Variants in MNDA observed in about 807,000 individuals in gnomAD.
MNDA encodes the protein epididymis secretory sperm binding protein.
MNDA carries 43 observed loss-of-function variants against 37.8 expected under a neutral mutation model. The ratio of observed to expected loss-of-function variants is 1.14; its 90% confidence interval spans 0.89 to 1.47. The LOEUF (loss-of-function observed/expected upper bound fraction) is 1.47. Ranked by LOEUF, MNDA falls within the 40% of genes most tolerant of loss-of-function variation. MNDA has a pLI of 0.00. For synonymous variants in MNDA, 181 were observed against 169.0 expected (o/e 1.07, Z -0.55); for missense variants, 536 against 476.0 (o/e 1.13, Z -1.17).
At chr1:158,834,236 T>C (rs1658863592) in intron 1 of MNDA, among the ~76,000 whole-genome samples, 1 of 150,056 alleles carries the variant, frequency 6.7e-6, no homozygotes. Context: ...TATCAATTTT[T>C]TTTTTTTTTT....
At chr1:158,841,076 C>T (rs948171934) in intron 1 of MNDA, among the ~76,000 whole-genome samples, 2 of 152,014 alleles carry the variant, frequency 1.3e-5, no homozygotes, top group Non-Finnish European at 2.9e-5. Flanking sequence ...CACAACAGCT[C>T]GCAGAAGATA....
chr1:158,846,551 A>C (rs1386696618), intron 5 of MNDA, among the ~76,000 whole-genome samples: 1 of 152,178 alleles, frequency 6.6e-6, no homozygotes, highest in Non-Finnish European at 1.5e-5. Context: ...TTATGAAGAT[A>C]GCATTGAACA....
intron 1 of MNDA, among the ~76,000 whole-genome samples, chr1:158,837,616 C>A (rs1658945344): frequency 6.6e-6 from 1 of 151,714 alleles, no homozygotes; most frequent in African/African-American, 2.4e-5. Flanking sequence ...CTCTTGTATG[C>A]AACATATACT....
Position 158,844,052 on chromosome 1 carries a change from C to A in MNDA, c.500C>A (p.Ser167Tyr). ...CCAGGTCCCTCAGGAGCCAGCACAT[C>A]TGCAGCTGTGGATCATCCCCCACTA... ...KPPGPSGAST[S>Y]AAVDHPPLPQ... The change falls in exon 4 of 7, where the codon TCT becomes TAT. Residue 167 changes from serine to tyrosine, a missense_variant. By Grantham distance (144) the Ser-to-Tyr change is moderately radical. Transcript: ENST00000368141. 1.2e-6 allele frequency: 2 copies of A among 1,613,914 alleles called. No homozygotes were observed. The highest frequency in any genetic ancestry group is 1.7e-6 in the Non-Finnish European group (2 of 1,179,942).
chr1:158,846,034 T>A, intron 5 of MNDA, 31 bp downstream of exon 5: 1 of 1,530,046 alleles, frequency 6.5e-7, no homozygotes, highest in Middle Eastern at 1.9e-4. Context: ...TAATTTTCTC[T>A]ACCATTACCT....
chr1:158,848,748 A>G (rs890427148), intron 6 of MNDA, among the ~76,000 whole-genome samples: 8 of 152,214 alleles, frequency 5.3e-5, no homozygotes, highest in African/African-American at 1.9e-4. Context: ...GATATCTATT[A>G]GAAGTTGTGT....
intron 1 of MNDA, among the ~76,000 whole-genome samples, chr1:158,838,753 G>A (rs1658970886): frequency 6.6e-6 from 1 of 151,866 alleles, no homozygotes; most frequent in African/African-American, 2.4e-5. Flanking sequence ...TATAAGTTCT[G>A]TTCACTTTCC....
chr1:158,841,491 C>T (rs1659027409), intron 1 of MNDA, among the ~76,000 whole-genome samples: 1 of 152,154 alleles, frequency 6.6e-6, no homozygotes, highest in South Asian at 2.1e-4. Flanking sequence ...TGCAATTCCA[C>T]ACTAGAGAGC....
At chr1:158,832,130 G>T (rs1658816456) in intron 1 of MNDA, among the ~76,000 whole-genome samples, 1 of 151,946 alleles carries the variant, frequency 6.6e-6, no homozygotes, top group African/African-American at 2.4e-5. Context: ...TTTTCAAATG[G>T]TCTATGCTTT....
At position 158,842,234 on chromosome 1, in the gene MNDA, C is replaced by T. The variant is rs562131738; in HGVS notation, c.81C>T (p.Ser27=). ...ATTATCATTTTACATCAATTAAGTC[C>T]TTACTGGCCTATGATTTAGGACTAA... ...MDDYHFTSIK[S]LLAYDLGLTT... Residue 27 remains serine, a synonymous_variant, in exon 2 of 7, where the codon TCC becomes TCT. Coordinates refer to ENST00000368141, the MANE Select transcript of MNDA (RefSeq NM_002432.3). The T allele has an allele frequency of 1.5e-5, 25 of 1,613,750 alleles. No homozygotes were observed. The highest frequency in any genetic ancestry group is 8.5e-7 in the Non-Finnish European group (1 of 1,179,860).
chr1:158,846,023 T>G lies in MNDA; in HGVS notation c.987+20T>G, dbSNP rs1261804313. The G allele has an allele frequency of 5.8e-6, 9 of 1,560,166 alleles. No homozygotes were observed. Among genetic ancestry groups the G allele is most frequent in the East Asian group, 2.3e-5 (1 of 44,378 alleles). On this transcript the variant is annotated intron_variant, in intron 5 of 6. Transcript: ENST00000368141. ...CAAAAGGTAAACCCTTAATTTTGTT[T>G]TAATTTTCTCTACCATTACCTGGAA...
chr1:158,840,483 T>A (rs186591796), intron 1 of MNDA, among the ~76,000 whole-genome samples: 2 of 152,256 alleles, frequency 1.3e-5, no homozygotes, highest in Admixed American at 1.3e-4. Context: ...TATTTCAAGA[T>A]GAGATTTGGG....
intron 2 of MNDA, 90 bp downstream of exon 2, chr1:158,842,508 C>A (rs1399540001): frequency 7.2e-7 from 1 of 1,390,146 alleles, no homozygotes; most frequent in Non-Finnish European, 9.8e-7. Flanking sequence ...TGGTACATCC[C>A]TTTTCCAATT....
chr1:158,837,980 T>C (rs538962534), intron 1 of MNDA, among the ~76,000 whole-genome samples: 1 of 152,046 alleles, frequency 6.6e-6, no homozygotes, highest in South Asian at 2.1e-4. Context: ...ATGCAAAATG[T>C]TTACTCCTTT....
rs1359483092 is a variant in MNDA at position 158,842,163 on chromosome 1, G to A, written c.10G>A (p.Glu4Lys). 6.2e-7 allele frequency: 1 copy of A among 1,609,994 alleles called. No individual in the cohort carries two copies. Among genetic ancestry groups the A allele is most frequent in the African/African-American group, 1.3e-5 (1 of 74,650 alleles). ...AGCTATAACATCAGAAATGGTGAAT[G>A]AATACAAGAAAATTCTTTTGCTGAA... Reference protein sequence around the residue: MVNEYKKILLLKGF... With the variant: MVNKYKKILLLKGF... The change falls in exon 2 of 7, where the codon GAA becomes AAA. Residue 4 changes from glutamate (E) to lysine (K), a missense_variant. Glu to Lys is a moderately conservative substitution (Grantham distance 56, BLOSUM62 1). Coordinates refer to ENST00000368141, the MANE Select transcript of MNDA (RefSeq NM_002432.3).
intron 1 of MNDA, among the ~76,000 whole-genome samples, chr1:158,835,434 T>C (rs857798): frequency 0.25 from 37,439 of 151,976 alleles, 5,178 homozygotes; most frequent in Non-Finnish European, 0.31. Flanking sequence ...ACACAACTGA[T>C]TTGTATGTGT....
chr1:158,835,126 C>A (rs944684897), intron 1 of MNDA, among the ~76,000 whole-genome samples: 2 of 152,116 alleles, frequency 1.3e-5, no homozygotes, highest in African/African-American at 4.8e-5. Context: ...AATTTTAAGA[C>A]AAATTTTTGT....
At position 158,849,226 on chromosome 1, in the gene MNDA, A is replaced by G. The variant is rs193037875; in HGVS notation, c.1213A>G (p.Asn405Asp). Residue 405 changes from asparagine to aspartate, a missense_variant, in exon 7 of 7, where the codon AAT (asparagine) becomes GAT (aspartate). Coordinates refer to ENST00000368141, the MANE Select transcript of MNDA (RefSeq NM_002432.3). The stretch of plus-strand genomic sequence containing the variant: ...CAAGAAAAACAAGGAAGGACCAATG[A>G]ATGTTAATTGAAATATGAAAGCTGA... ...KAKKNKEGPM[N>D]VN The G allele has an allele frequency of 6.2e-7, 1 of 1,612,242 alleles. No homozygotes were observed. The highest frequency in any genetic ancestry group is 8.5e-7 in the Non-Finnish European group (1 of 1,178,830).
In MNDA at chr1:158,843,875, T is replaced by C. The variant is rs550733690; in HGVS notation, c.403-80T>C. On this transcript the variant is annotated intron_variant, in intron 3 of 6. Transcript: ENST00000368141. ...CATCCAACATAAATAGAACTTACTA[T>C]GTTGTAATGAAAAAATGAAAACTTG... The C allele has an allele frequency of 8.8e-6, 11 of 1,256,952 alleles. No individual in the cohort carries two copies. In the African/African-American group the frequency reaches 1.2e-4, roughly 14 times the overall value. The allele number at this position is 1,256,952 out of a possible 1,614,324, so 77.9% of individuals were successfully genotyped here.
Sources: allele counts gnomAD v4.1 joint callset (sites outside exome capture counted in the v4.1 genomes callset), GRCh38; gene constraint gnomAD v4.1.1; transcripts MANE v1.5; gene names NCBI Gene and HGNC (gene_info 2026-07-23, HGNC 2026-07-21).